The following SLC7A11 variants were observed in gnomAD, a reference collection of about 807,000 sequenced individuals.
SLC7A11 encodes cystine/glutamate transporter.
In SLC7A11, 35 loss-of-function variants were observed where a neutral mutation model predicts 54.5. The observed-to-expected ratio is 0.64, with a 90% CI of 0.49 to 0.85. The LOEUF (loss-of-function observed/expected upper bound fraction) is 0.85, where lower values mean the gene tolerates loss of function less well. Ranked by LOEUF, SLC7A11 falls within the 40% of genes least tolerant of loss-of-function variation. The pLI is 0.00. For missense variants in SLC7A11, 583 were observed against 618.1 expected (o/e 0.94, Z 0.60); for synonymous variants, 230 against 225.2 (o/e 1.02, Z -0.19).
chr4:138,184,794 G>GA (rs11372828), intron 7 of SLC7A11, among the ~76,000 whole-genome samples: 141,099 of 152,044 alleles, frequency 0.93, 66,380 homozygotes, highest in East Asian at 1. Context: ...AATTTGCATA[G>GA]AAAAAATGCA....
intron 6 of SLC7A11, among the ~76,000 whole-genome samples, chr4:138,188,274 G>T (rs549003019): frequency 2.0e-5 from 3 of 152,188 alleles, no homozygotes; most frequent in South Asian, 4.2e-4. Context: ...TGTTGGCCAG[G>T]CTGTTCTCAA....
chr4:138,199,568 T>C (rs1737225593), intron 6 of SLC7A11, among the ~76,000 whole-genome samples: 2 of 152,144 alleles, frequency 1.3e-5, no homozygotes, highest in African/African-American at 4.8e-5. Context: ...TATCCTGTGT[T>C]TCTAAGTGCG....
chr4:138,219,941 C>CT (rs5862370), intron 4 of SLC7A11, among the ~76,000 whole-genome samples: 125,846 of 143,534 alleles, frequency 0.88, 56,380 homozygotes, highest in East Asian at 0.96. Flanking sequence ...GCAAGCCTTT[C>CT]TTTTTTTATT....
intron 6 of SLC7A11, among the ~76,000 whole-genome samples, chr4:138,187,214 C>A (rs935290487): frequency 6.6e-6 from 1 of 152,052 alleles, no homozygotes; most frequent in South Asian, 2.1e-4. Flanking sequence ...CTCTGAGGGC[C>A]GTTTCCTAAA....
intron 1 of SLC7A11, among the ~76,000 whole-genome samples, chr4:138,239,218 C>T (rs182407970): frequency 4.1e-4 from 62 of 152,268 alleles, no homozygotes; most frequent in Non-Finnish European, 6.9e-4. Context: ...GTCAGAGAAT[C>T]AATACCTAGA....
intron 11 of SLC7A11, chr4:138,174,666 A>T (rs1267364050): frequency 6.6e-6 from 1 of 152,196 alleles, no homozygotes; most frequent in Non-Finnish European, 1.5e-5. Flanking sequence ...AGTATGTGGC[A>T]TTCAACTGTC....
chr4:138,229,210 A>G (rs1466858077), intron 3 of SLC7A11, among the ~76,000 whole-genome samples: 4 of 152,074 alleles, frequency 2.6e-5, no homozygotes, highest in Admixed American at 2.0e-4. Context: ...TTAACCTTCC[A>G]CCCCTAACAG....
intron 1 of SLC7A11, among the ~76,000 whole-genome samples, chr4:138,236,979 A>ATT (rs1442487324): frequency 9.6e-6 from 1 of 104,098 alleles, no homozygotes; most frequent in Non-Finnish European, 1.9e-5. Context: ...GACTTGCAAG[A>ATT]TTTCTTTTTT....
In SLC7A11 at chr4:138,170,146, A is replaced by G. The variant is rs1736373378; in HGVS notation, c.*1810T>C. On this transcript the variant is annotated 3_prime_UTR_variant, in exon 12 of 12. Coordinates refer to ENST00000280612, the MANE Select transcript of SLC7A11 (RefSeq NM_014331.4). Reference sequence around the variant, plus strand: ...GCCATGACTAACCATTTTACCTTAGATGTTTATAAATAACAGTTCAAAATT... The same window carrying G: ...GCCATGACTAACCATTTTACCTTAGGTGTTTATAAATAACAGTTCAAAATT... 6.8e-6 allele frequency: 1 copy of G among 146,690 alleles called. No homozygotes were observed. Among genetic ancestry groups the G allele is most frequent in the African/African-American group, 2.5e-5 (1 of 40,240 alleles). 9.1% of individuals were successfully genotyped at this position (146,690 alleles called of 1,614,324 possible). A position where few individuals can be genotyped will look rare whatever the true frequency, so the allele number is the denominator to read the frequency against.
chr4:138,218,024 TAATCTTCTAAC>T (rs889976754), intron 5 of SLC7A11, among the ~76,000 whole-genome samples: 12 of 152,206 alleles, frequency 7.9e-5, no homozygotes, highest in African/African-American at 2.7e-4. Context: ...CTTAGAGCTA[TAATCTTCTAAC>T]AATCTTCAAG....
chr4:138,188,976 T>G (rs1736944603), intron 6 of SLC7A11, among the ~76,000 whole-genome samples: 1 of 152,204 alleles, frequency 6.6e-6, no homozygotes, highest in African/African-American at 2.4e-5. Context: ...AGGCATTAAG[T>G]ATGTGAGAGT....
chr4:138,201,170 G>T (rs1156659094), intron 6 of SLC7A11, among the ~76,000 whole-genome samples: 1 of 151,984 alleles, frequency 6.6e-6, no homozygotes, highest in Non-Finnish European at 1.5e-5. Flanking sequence ...TGTATTATAA[G>T]CTCTAGTTTT....
chr4:138,238,157 A>ATTGGGG (rs1330427009), intron 1 of SLC7A11, among the ~76,000 whole-genome samples: 1 of 152,118 alleles, frequency 6.6e-6, no homozygotes, highest in African/African-American at 2.4e-5. Context: ...AATTCACATA[A>ATTGGGG]AATTGGACAA....
At chr4:138,199,106 C>G (rs747208636) in intron 6 of SLC7A11, among the ~76,000 whole-genome samples, 19 of 152,050 alleles carry the variant, frequency 1.2e-4, no homozygotes, top group Non-Finnish European at 2.5e-4. Flanking sequence ...CAAGTAAATA[C>G]ATTATATAAC....
At chr4:138,183,145 A>G in intron 8 of SLC7A11, 57 bp downstream of exon 8, 2 of 1,207,862 alleles carry the variant, frequency 1.7e-6, no homozygotes, top group East Asian at 2.4e-5. Flanking sequence ...AGTTATCCTT[A>G]TCACATCCAA....
chr4:138,172,142 C>A, intron 11 of SLC7A11, 125 bp from the exon 12 acceptor site: 1 of 974,540 alleles, frequency 1.0e-6, no homozygotes, highest in Non-Finnish European at 1.4e-6. Context: ...AGAGCACTTT[C>A]AAGAATTATT....
At chr4:138,226,344 C>T (rs571869024) in intron 3 of SLC7A11, among the ~76,000 whole-genome samples, 5 of 152,178 alleles carry the variant, frequency 3.3e-5, no homozygotes, top group Admixed American at 3.3e-4. Flanking sequence ...ATACATCACA[C>T]TTTATCAAAC....
chr4:138,238,394 G>A (rs1738292677), intron 1 of SLC7A11, among the ~76,000 whole-genome samples: 1 of 152,122 alleles, frequency 6.6e-6, no homozygotes, highest in African/African-American at 2.4e-5. Flanking sequence ...TATCTGTACT[G>A]CCAAGTGCTC....
At chr4:138,232,111 T>C (rs1427528339) in intron 3 of SLC7A11, among the ~76,000 whole-genome samples, 156 bp downstream of exon 3, 1 of 152,176 alleles carries the variant, frequency 6.6e-6, no homozygotes, top group African/African-American at 2.4e-5. Flanking sequence ...CAGTATTGGA[T>C]CCCACTCCAA....
Sources: allele counts gnomAD v4.1 joint callset (sites outside exome capture counted in the v4.1 genomes callset), GRCh38; gene constraint gnomAD v4.1.1; transcripts MANE v1.5; gene names NCBI Gene and HGNC (gene_info 2026-07-23, HGNC 2026-07-21).